NCKAP5: variants seen among roughly 807,000 people sequenced by gnomAD.
NCKAP5 encodes the protein nck-associated protein 5.
Under a neutral mutation model 167.0 loss-of-function variants are expected in NCKAP5, and 92 were observed. The ratio of observed to expected loss-of-function variants is 0.55; its 90% CI spans 0.47 to 0.66. NCKAP5 has a LOEUF of 0.66. Among genes scored for constraint, NCKAP5 ranks in the 30% least tolerant of loss-of-function variants. NCKAP5 has a pLI of 0.00. For synonymous variants in NCKAP5, 891 were observed against 877.4 expected (o/e 1.02, Z -0.27); for missense variants, 2,378 against 2,315.0 (o/e 1.03, Z -0.56).
chr2:132,960,229 A>G (rs981291980), intron 8 of NCKAP5, among the ~76,000 whole-genome samples: 1 of 152,150 alleles, frequency 6.6e-6, no homozygotes, highest in Non-Finnish European at 1.5e-5. Context: ...TTAGCACAAT[A>G]TTTTGCTGAG....
At chr2:133,406,819 TC>T (rs888316458) in intron 3 of NCKAP5, among the ~76,000 whole-genome samples, 5 of 152,072 alleles carry the variant, frequency 3.3e-5, no homozygotes, top group Non-Finnish European at 5.9e-5. Flanking sequence ...ACAGTTTAGC[TC>T]CCCTTACAGC....
At chr2:132,736,243 T>G (rs942765225) in intron 16 of NCKAP5, among the ~76,000 whole-genome samples, 11 of 152,204 alleles carry the variant, frequency 7.2e-5, no homozygotes, top group Non-Finnish European at 1.5e-4. Context: ...AAATGGAAGT[T>G]TATATTGAAA....
chr2:133,319,510 A>C (rs1681879323), intron 3 of NCKAP5, among the ~76,000 whole-genome samples: 1 of 152,140 alleles, frequency 6.6e-6, no homozygotes, highest in Non-Finnish European at 1.5e-5. Flanking sequence ...AAACCATTCA[A>C]TCAGTGGACT....
chr2:133,407,060 T>C (rs1323033653), intron 3 of NCKAP5, among the ~76,000 whole-genome samples: 1 of 152,254 alleles, frequency 6.6e-6, no homozygotes, highest in Non-Finnish European at 1.5e-5. Flanking sequence ...ACATCTGGTT[T>C]GCCAAAGAGG....
chr2:133,133,520 A>G (rs1239128301), intron 5 of NCKAP5, among the ~76,000 whole-genome samples: 1 of 152,218 alleles, frequency 6.6e-6, no homozygotes, highest in South Asian at 2.1e-4. Flanking sequence ...GACATTACAT[A>G]CATGTTCAAC....
At position 132,890,044 on chromosome 2, in the gene NCKAP5, T is replaced by C. The variant is rs538460419; in HGVS notation, c.580-11128A>G. Among the ~76,000 whole-genome samples the C allele has an allele frequency of 2.6e-5, 4 of 152,306 alleles. No homozygotes were observed. The South Asian group carries it at 8.3e-4, about 32-fold the overall frequency. ...TTTCCCACGGCAAAAGCTGGTCTTT[T>C]CCAGAGTGACATCTTTCAAGCTTGC... On this transcript the variant is annotated intron_variant, in intron 8 of 19. Coordinates refer to ENST00000409261, the MANE Select transcript of NCKAP5 (RefSeq NM_207363.3).
intron 8 of NCKAP5, among the ~76,000 whole-genome samples, chr2:132,915,956 A>G (rs1383730888): frequency 6.6e-6 from 1 of 152,062 alleles, no homozygotes; most frequent in African/African-American, 2.4e-5. Context: ...TAAGTGAATT[A>G]TCACACATCC....
chr2:133,310,444 C>T (rs573412546), intron 3 of NCKAP5, among the ~76,000 whole-genome samples: 9 of 152,298 alleles, frequency 5.9e-5, no homozygotes, highest in Admixed American at 3.3e-4. Context: ...TGATGGCCTC[C>T]GCAAGGTGGA....
At chr2:133,330,231 C>T (rs1000495125) in intron 3 of NCKAP5, among the ~76,000 whole-genome samples, 1 of 128,114 alleles carries the variant, frequency 7.8e-6, no homozygotes, top group Non-Finnish European at 1.6e-5. Context: ...CACCCAGCTA[C>T]TTTATTTTTT....
chr2:132,918,932 A>G (rs531687948), intron 8 of NCKAP5, among the ~76,000 whole-genome samples: 57 of 152,374 alleles, frequency 3.7e-4, no homozygotes, highest in Middle Eastern at 3.4e-3. Context: ...AATACCCAGT[A>G]TCAAACAAAA....
intron 4 of NCKAP5, among the ~76,000 whole-genome samples, chr2:133,272,603 G>C (rs960550701): frequency 6.6e-6 from 1 of 152,110 alleles, no homozygotes; most frequent in Admixed American, 6.5e-5. Flanking sequence ...TATTCCTTGA[G>C]ATAAAATTTA....
chr2:133,386,086 C>A (rs1039239733), intron 3 of NCKAP5, among the ~76,000 whole-genome samples: 1 of 152,120 alleles, frequency 6.6e-6, no homozygotes, highest in African/African-American at 2.4e-5. Flanking sequence ...TTGCCTTCTG[C>A]TAGCTTTTGA....
chr2:132,720,143 T>C (rs1689767507), intron 19 of NCKAP5, among the ~76,000 whole-genome samples: 1 of 152,180 alleles, frequency 6.6e-6, no homozygotes, highest in African/African-American at 2.4e-5. Flanking sequence ...ACCTTTACAC[T>C]GTTGTCCCCC....
chr2:132,851,219 A>G (rs1689052722), intron 11 of NCKAP5, among the ~76,000 whole-genome samples: 1 of 152,140 alleles, frequency 6.6e-6, no homozygotes, highest in African/African-American at 2.4e-5. Context: ...AAAGTGCACT[A>G]TCATCTCATC....
chr2:133,174,725 G>T (rs1403478390), intron 5 of NCKAP5, among the ~76,000 whole-genome samples: 5 of 133,942 alleles, frequency 3.7e-5, no homozygotes, highest in South Asian at 2.4e-4. Flanking sequence ...TCTCCCCCCT[G>T]CTCCAGCTTT....
At chr2:133,212,329 T>C (rs983386474) in intron 5 of NCKAP5, among the ~76,000 whole-genome samples, 4 of 152,178 alleles carry the variant, frequency 2.6e-5, no homozygotes, top group Admixed American at 1.3e-4. Context: ...GGCCTTTATT[T>C]TCTCCCTCTT....
chr2:133,047,885 G>A (rs777695939), intron 6 of NCKAP5, among the ~76,000 whole-genome samples: 4 of 152,174 alleles, frequency 2.6e-5, no homozygotes, highest in Non-Finnish European at 2.9e-5. Context: ...TGCTTTGCAA[G>A]GTTGCATATA....
At chr2:133,546,470 T>A (rs1397832105) in intron 2 of NCKAP5, among the ~76,000 whole-genome samples, 1 of 152,164 alleles carries the variant, frequency 6.6e-6, no homozygotes, top group Non-Finnish European at 1.5e-5. Flanking sequence ...ATACTCCACT[T>A]ACCAGATATA....
At chr2:133,177,627 G>A (rs1470457913) in intron 5 of NCKAP5, among the ~76,000 whole-genome samples, 1 of 152,016 alleles carries the variant, frequency 6.6e-6, no homozygotes, top group Admixed American at 6.5e-5. Flanking sequence ...TATATCTGAG[G>A]TCTCCACTCC....
Sources: allele counts gnomAD v4.1 joint callset (sites outside exome capture counted in the v4.1 genomes callset), GRCh38; gene constraint gnomAD v4.1.1; transcripts MANE v1.5; gene names NCBI Gene and HGNC (gene_info 2026-07-23, HGNC 2026-07-21).